BRSK2: variants seen among roughly 807,000 people sequenced by gnomAD.
BRSK2 encodes serine/threonine-protein kinase BRSK2.
A neutral mutation model predicts 83.3 loss-of-function variants in BRSK2; 19 were observed. That is an observed-to-expected ratio of 0.23 (90% confidence interval 0.16 to 0.33). BRSK2 has a LOEUF of 0.33. Among genes scored for constraint, BRSK2 ranks in the 10% least tolerant of loss-of-function variants. The pLI is 1.00. For synonymous variants in BRSK2, 519 were observed against 435.4 expected, an observed-to-expected ratio of 1.19 and a Z score of -2.39; for missense variants, 798 against 1,042.3, an observed-to-expected ratio of 0.77 and a Z score of 3.23.
At chr11:1,447,959 C>A in intron 12 of BRSK2, 1 of 1,255,976 alleles carries the variant, frequency 8.0e-7, no homozygotes, top group Non-Finnish European at 1.1e-6. Context: ...TGGTGGCGGG[C>A]TGGGCTGCAG....
Position 1,450,597 on chromosome 11 carries a change from A to C in BRSK2, c.1298A>C (p.His433Pro), listed in dbSNP as rs1590650266. The change falls in exon 14 of 20, where the codon CAC (histidine) becomes CCC (proline). Residue 433 changes from histidine (H) to proline (P), a missense_variant. Coordinates refer to ENST00000528841, the MANE Select transcript of BRSK2 (RefSeq NM_001256627.2). The part of the protein sequence containing the change: ...SPLSSPRVTP[H>P]PSPRGSPLPT... The stretch of plus-strand genomic sequence containing the variant: ...GTCCCCACCATACAGGTGACCCCTC[A>C]CCCCTCACCAAGGGGCAGTCCCCTC... 6.4e-7 allele frequency: 1 copy of C among 1,573,830 alleles called. No individual in the cohort carries two copies. Among genetic ancestry groups the C allele is most frequent in the Non-Finnish European group, 8.6e-7 (1 of 1,161,138 alleles).
At chr11:1,417,267 A>G (rs1479511277) in intron 1 of BRSK2, among the ~76,000 whole-genome samples, 1 of 152,232 alleles carries the variant, frequency 6.6e-6, no homozygotes, top group Non-Finnish European at 1.5e-5. Flanking sequence ...TAGGCACCTG[A>G]CATGCTGTGA....
chr11:1,436,774 C>T (rs891264930), intron 2 of BRSK2, among the ~76,000 whole-genome samples: 4 of 152,052 alleles, frequency 2.6e-5, no homozygotes, highest in Non-Finnish European at 5.9e-5. Context: ...AGCACTGGGG[C>T]CAGTCGAGCC....
At position 1,454,176 on chromosome 11, in the gene BRSK2, G is replaced by GGGGCTCACCTGTGGA. The variant is rs140446560; in HGVS notation, c.1545-305_1545-291dup. 0.019 allele frequency: 4,597 copies of GGGGCTCACCTGTGGA among 248,412 alleles called. 171 individuals carry two copies. Among genetic ancestry groups the GGGGCTCACCTGTGGA allele is most frequent in the African/African-American group, 0.079 (3,409 of 43,266 alleles). 15.4% of individuals were successfully genotyped at this position (248,412 alleles called of 1,614,324 possible). A position where few individuals can be genotyped will look rare whatever the true frequency, so the allele number is the denominator to read the frequency against. On this transcript the variant is annotated intron_variant, in intron 15 of 19. Coordinates refer to ENST00000528841, the MANE Select transcript of BRSK2 (RefSeq NM_001256627.2). This position sits in a 1 kb window ranked among gnomAD's most constrained non-coding sequence, Gnocchi z 5.2. ...TTGGTGAGGGGGGGCTCACCTGTGG[G>GGGGCTCACCTGTGGA]GGGCTCACCTGTGGAGGGGCATCCC...
At chr11:1,436,250 G>GGGGGGT in intron 2 of BRSK2, 116 bp downstream of exon 2, 1 of 168,876 alleles carries the variant, frequency 5.9e-6, no homozygotes, top group Non-Finnish European at 9.5e-6. Flanking sequence ...GGGGGGGCGG[G>GGGGGGT]CCCTGCAGGC....
chr11:1,398,884 C>T (rs1187334668), intron 1 of BRSK2, among the ~76,000 whole-genome samples: 1 of 152,160 alleles, frequency 6.6e-6, no homozygotes, highest in Non-Finnish European at 1.5e-5. Context: ...AGCCTGGAGC[C>T]CCCCCAGCCC....
At chr11:1,440,108 G>A (rs1294066472) in intron 3 of BRSK2, among the ~76,000 whole-genome samples, 2 of 152,000 alleles carry the variant, frequency 1.3e-5, no homozygotes, top group Non-Finnish European at 2.9e-5. Flanking sequence ...CCTCCCCCCC[G>A]AGCTGGTTCA....
rs1454707383 is a variant in BRSK2 at position 1,445,221 on chromosome 11, C to G, written c.813-73C>G. ...CAGGATGAAGGGCCCCAGGTGAGGG[C>G]GGGCGTCCCACCCTCGCAGCCGCCC... On this transcript the variant is annotated intron_variant, in intron 9 of 19. Coordinates refer to ENST00000528841, the MANE Select transcript of BRSK2 (RefSeq NM_001256627.2). 7.5e-5 allele frequency: 113 copies of G among 1,516,766 alleles called. 1 individual carries two copies. In the South Asian group the frequency reaches 1.4e-3, roughly 18 times the overall value. The allele number at this position is 1,516,766 out of a possible 1,614,324, so 94.0% of individuals were successfully genotyped here. A position where few individuals can be genotyped will look rare whatever the true frequency, so the allele number is the denominator to read the frequency against.
rs974532516 is a variant in BRSK2, at chr11:1,390,397, A to G, written c.91+22A>G. The G allele has an allele frequency of 5.0e-6, 5 of 1,002,238 alleles. No homozygotes were observed. The highest frequency in any genetic ancestry group is 4.6e-5 in the South Asian group (1 of 21,946). 62.1% of individuals were successfully genotyped at this position (1,002,238 alleles called of 1,614,324 possible). On this transcript the variant is annotated intron_variant, in intron 1 of 19. Transcript: ENST00000528841. The surrounding 1 kb of genome is among the most constrained non-coding windows in gnomAD (Gnocchi z 6.8). ...ACAGGTGCGTGCGGCCGGGGCGGGGACCGGGGCCGGGGAGGCCGCGCTGGC... is the reference window on the plus strand; with the variant it reads ...ACAGGTGCGTGCGGCCGGGGCGGGGGCCGGGGCCGGGGAGGCCGCGCTGGC...
At chr11:1,446,025 T>A in intron 12 of BRSK2, 118 bp downstream of exon 12, 13 of 1,333,814 alleles carry the variant, frequency 9.7e-6, no homozygotes, top group Non-Finnish European at 1.3e-5. Flanking sequence ...TGGGTGGGGC[T>A]GTATGGGCTA....
At chr11:1,456,239 T>G in intron 16 of BRSK2, 109 bp from the exon 17 acceptor site, 1 of 1,164,250 alleles carries the variant, frequency 8.6e-7, no homozygotes, top group East Asian at 2.7e-5. Flanking sequence ...GGTGCCTGGG[T>G]GCTCACAATG....
At position 1,442,476 on chromosome 11, in the gene BRSK2, A is replaced by G; in HGVS notation, c.414-14A>G. On this transcript the variant is annotated splice_polypyrimidine_tract_variant and intron_variant, in intron 4 of 19. Transcript: ENST00000528841. ...GAGACTGGCCCTGTTCAGCCTCACC[A>G]CCCTCCTCCCCAGCCACAGGGATCT... 1 of 1,606,560 alleles carries G rather than the reference A, an allele frequency of 6.2e-7. No homozygotes were observed. The highest frequency in any genetic ancestry group is 1.3e-5 in the African/African-American group (1 of 74,854).
chr11:1,445,182 C>T, intron 9 of BRSK2, 112 bp from the exon 10 acceptor site: 1 of 1,492,006 alleles, frequency 6.7e-7, no homozygotes, highest in Non-Finnish European at 9.1e-7. Flanking sequence ...CCGGGCTGGG[C>T]ACAGGGAGAG....
At position 1,401,762 on chromosome 11, in the gene BRSK2, G is replaced by T. The variant is rs145158877; in HGVS notation, c.91+11387G>T. Among the ~76,000 whole-genome samples, 1,486 of 152,342 alleles carry T rather than the reference G, an allele frequency of 9.8e-3. 33 individuals carry two copies. Among genetic ancestry groups the T allele is most frequent in the African/African-American group, 0.033 (1,371 of 41,582 alleles). ...GGACCTTATGCCCTGTTCGGGAGGC[G>T]GAGAGGCCCTCAGGGAGCTGTCCAG... On this transcript the variant is annotated intron_variant, in intron 1 of 19. Coordinates refer to ENST00000528841, the MANE Select transcript of BRSK2 (RefSeq NM_001256627.2).
chr11:1,451,359 C>T lies in BRSK2; in HGVS notation c.1496-12C>T, dbSNP rs748651044. ...CACCACGCCTTTCCTCCTGTTCATC[C>T]TGTGTGCACAGTTCCGACGCCGGAG... is the stretch of plus-strand genomic sequence containing the variant. On this transcript the variant is annotated splice_polypyrimidine_tract_variant and intron_variant, in intron 14 of 19. Transcript: ENST00000528841. The T allele has an allele frequency of 5.0e-6, 8 of 1,612,924 alleles. No individual in the cohort carries two copies. The highest frequency in any genetic ancestry group is 8.5e-7 in the Non-Finnish European group (1 of 1,179,844).
rs1205000509 is a variant in BRSK2, at chr11:1,438,151, G to A, written c.187-155G>A. 3.7e-5 allele frequency among the ~76,000 whole-genome samples: 5 copies of A among 133,642 alleles called. No individual in the cohort carries two copies. The highest frequency in any genetic ancestry group is 8.5e-5 in the African/African-American group (3 of 35,142). The allele number at this position is 133,642 out of a possible 152,430, so 87.7% of individuals were successfully genotyped here. A position where few individuals can be genotyped will look rare whatever the true frequency, so the allele number is the denominator to read the frequency against. On this transcript the variant is annotated intron_variant, in intron 2 of 19. Transcript: ENST00000528841. The surrounding 1 kb of genome is among the most constrained non-coding windows in gnomAD (Gnocchi z 6.4). ...CACAGCTGGCACCAAAGGCCCCTGCGTCCCCCACAGCTGGCACCAAAGGCC... is the reference window on the plus strand; with the variant it reads ...CACAGCTGGCACCAAAGGCCCCTGCATCCCCCACAGCTGGCACCAAAGGCC...
intron 19 of BRSK2, among the ~76,000 whole-genome samples, chr11:1,459,906 T>G (rs1428101863): frequency 1.3e-5 from 2 of 152,306 alleles, no homozygotes; most frequent in African/African-American, 4.8e-5. Context: ...GGGGTCGGGC[T>G]TCAGGCCTCT....
At position 1,390,562 on chromosome 11, in the gene BRSK2, C is replaced by T. The variant is rs1304609917; in HGVS notation, c.91+187C>T. On this transcript the variant is annotated intron_variant, in intron 1 of 19. Coordinates refer to ENST00000528841, the MANE Select transcript of BRSK2 (RefSeq NM_001256627.2). This position sits in a 1 kb window ranked among gnomAD's most constrained non-coding sequence, Gnocchi z 6.8. ...CCGGTTCCGCCGCGGATCCCGCAGG[C>T]CGCTTGGCTGCGGTCGGCCGGGCGC... is the stretch of plus-strand genomic sequence containing the variant. Among the ~76,000 whole-genome samples, 3 of 145,692 alleles carry T rather than the reference C, an allele frequency of 2.1e-5. No homozygotes were observed. The highest frequency in any genetic ancestry group is 4.6e-5 in the Non-Finnish European group (3 of 65,684).
intron 1 of BRSK2, among the ~76,000 whole-genome samples, chr11:1,402,331 T>C: frequency 6.6e-6 from 1 of 152,194 alleles, no homozygotes; most frequent in Admixed American, 6.5e-5. Context: ...GTTTCAGGGC[T>C]CATGTGGCCT....
Sources: allele counts gnomAD v4.1 joint callset (sites outside exome capture counted in the v4.1 genomes callset), GRCh38; gene constraint gnomAD v4.1.1; non-coding constraint Gnocchi (gnomAD v3.1); transcripts MANE v1.5; gene names NCBI Gene and HGNC (gene_info 2026-07-23, HGNC 2026-07-21).